The following SFSWAP variants were observed in gnomAD, a reference collection of about 807,000 sequenced individuals.
SFSWAP encodes splicing factor, suppressor of white-apricot homolog.
In SFSWAP, 17 loss-of-function variants were observed where a neutral mutation model predicts 100.7. The observed-to-expected ratio is 0.17, with a 90% confidence interval of 0.12 to 0.25. The LOEUF is 0.25. SFSWAP is among the 10% of genes least tolerant of loss of function. The probability of loss-of-function intolerance (pLI) is 1.00; values close to 1 mark genes in which losing one functional copy is unlikely to be tolerated. For synonymous variants in SFSWAP, 504 were observed against 510.1 expected (o/e 0.99, Z 0.16); for missense variants, 1,005 against 1,262.6 (o/e 0.80, Z 3.09).
At chr12:131,795,926 T>G (rs1421462758) in intron 15 of SFSWAP, among the ~76,000 whole-genome samples, 1 of 145,416 alleles carries the variant, frequency 6.9e-6, no homozygotes, top group Non-Finnish European at 1.5e-5. Flanking sequence ...GCAGCCCTAC[T>G]CCTGGGATCT....
intron 12 of SFSWAP, among the ~76,000 whole-genome samples, chr12:131,765,879 CATT>C (rs1267203526): frequency 6.6e-6 from 1 of 152,128 alleles, no homozygotes; most frequent in Non-Finnish European, 1.5e-5. Context: ...CTGAGGTTTT[CATT>C]ATTCCAGCTT....
intron 15 of SFSWAP, among the ~76,000 whole-genome samples, chr12:131,788,738 C>T (rs762730541): frequency 1.3e-5 from 2 of 152,064 alleles, no homozygotes; most frequent in Non-Finnish European, 2.9e-5. Context: ...GCCTCAACCT[C>T]CAAAAGTACT....
intron 7 of SFSWAP, among the ~76,000 whole-genome samples, chr12:131,751,413 G>T (rs115019895): frequency 0.013 from 2,047 of 152,336 alleles, 42 homozygotes; most frequent in African/African-American, 0.045. Flanking sequence ...TCCTGCTGAG[G>T]TGGGAGGCTG....
chr12:131,729,584 C>T (rs1879312466), intron 7 of SFSWAP, among the ~76,000 whole-genome samples: 1 of 152,200 alleles, frequency 6.6e-6, no homozygotes, highest in African/African-American at 2.4e-5. Flanking sequence ...TCGCTGATTG[C>T]AGTTCTTTTA....
At chr12:131,737,843 T>C (rs1222651772) in intron 7 of SFSWAP, among the ~76,000 whole-genome samples, 1 of 152,098 alleles carries the variant, frequency 6.6e-6, no homozygotes, top group Non-Finnish European at 1.5e-5. Flanking sequence ...AAATAATTTT[T>C]CTAGAAGCTC....
chr12:131,791,155 G>C (rs949146320), intron 15 of SFSWAP, among the ~76,000 whole-genome samples: 3 of 152,190 alleles, frequency 2.0e-5, no homozygotes, highest in Non-Finnish European at 4.4e-5. Flanking sequence ...CACTTCAGGA[G>C]GCCAAGGCAG....
chr12:131,793,396 C>A (rs1307818387), intron 15 of SFSWAP, among the ~76,000 whole-genome samples: 1 of 152,096 alleles, frequency 6.6e-6, no homozygotes, highest in Non-Finnish European at 1.5e-5. Flanking sequence ...GAAACTCTTT[C>A]CAACAAAACT....
intron 14 of SFSWAP, among the ~76,000 whole-genome samples, chr12:131,779,888 G>T (rs1341110429): frequency 6.6e-6 from 1 of 152,238 alleles, no homozygotes; most frequent in Non-Finnish European, 1.5e-5. Context: ...CCAGGTTCAA[G>T]TGATTCTTCT....
intron 7 of SFSWAP, among the ~76,000 whole-genome samples, chr12:131,748,899 G>A (rs944546337): frequency 4.6e-5 from 7 of 152,160 alleles, no homozygotes; most frequent in Admixed American, 2.0e-4. Flanking sequence ...GTAACATTAC[G>A]TCAGCATTTA....
chr12:131,764,270 C>A (rs921275616), intron 11 of SFSWAP, among the ~76,000 whole-genome samples, 186 bp from the exon 12 acceptor site: 9 of 152,214 alleles, frequency 5.9e-5, no homozygotes, highest in Non-Finnish European at 1.2e-4. Context: ...CCCAGCCCCA[C>A]GCCATGCAGT....
chr12:131,736,852 T>C (rs1473646181), intron 7 of SFSWAP, among the ~76,000 whole-genome samples: 1 of 152,020 alleles, frequency 6.6e-6, no homozygotes, highest in African/African-American at 2.4e-5. Flanking sequence ...ATTTTTCAGC[T>C]GTCACTCAAG....
At chr12:131,768,829 A>G (rs1465393601) in intron 13 of SFSWAP, among the ~76,000 whole-genome samples, 2 of 152,198 alleles carry the variant, frequency 1.3e-5, no homozygotes, top group African/African-American at 4.8e-5. Flanking sequence ...CCTTAGCTTT[A>G]ATAGGATTTC....
chr12:131,789,553 A>G (rs961056335), intron 15 of SFSWAP, among the ~76,000 whole-genome samples: 6 of 152,184 alleles, frequency 3.9e-5, no homozygotes, highest in African/African-American at 1.4e-4. Context: ...AAAGTGTACA[A>G]TAAACACCCA....
At chr12:131,763,815 ATT>A (rs1167177550) in intron 11 of SFSWAP, among the ~76,000 whole-genome samples, 10 of 144,090 alleles carry the variant, frequency 6.9e-5, no homozygotes, top group East Asian at 4.0e-4. Context: ...TGAGCCATGA[ATT>A]TTTTTTTTTT....
chr12:131,713,862 T>TAAG, intron 1 of SFSWAP: 1 of 369,660 alleles, frequency 2.7e-6, no homozygotes, highest in South Asian at 9.6e-5. Flanking sequence ...TAGAGTTTGT[T>TAAG]AAGATAACTT....
Position 131,754,371 on chromosome 12 carries a change from A to C in SFSWAP, c.1326A>C (p.Ala442=). The change falls in exon 9 of 18, where the codon GCA becomes GCC. Residue 442 remains alanine, a synonymous_variant. Transcript: ENST00000261674. ...GATSTTTTTS[A]LAPVAAIIPP... ...CTCACAGACTCTTCTCCTGCAGTGC[A>C]CTTGCCCCCGTGGCCGCCATCATCC... 6.4e-7 allele frequency: 1 copy of C among 1,564,394 alleles called. No individual in the cohort carries two copies.
At chr12:131,785,111 G>C (rs1467825772) in intron 14 of SFSWAP, 2 of 1,535,718 alleles carry the variant, frequency 1.3e-6, no homozygotes, top group South Asian at 2.4e-5. Flanking sequence ...GCGGAGCCCT[G>C]TCAGAGCAGC....
chr12:131,748,747 C>G (rs900138975), intron 7 of SFSWAP, among the ~76,000 whole-genome samples: 2 of 152,242 alleles, frequency 1.3e-5, no homozygotes, highest in South Asian at 2.1e-4. Context: ...GAAGGACTTA[C>G]AAATGTGCTT....
chr12:131,759,446 T>C (rs917252138), intron 11 of SFSWAP, among the ~76,000 whole-genome samples: 2 of 152,198 alleles, frequency 1.3e-5, no homozygotes, highest in Non-Finnish European at 2.9e-5. Context: ...CTTGGCAATC[T>C]GTAGACCACG....
Sources: gnomAD v4.1 joint callset for allele counts (sites outside exome capture counted in the v4.1 genomes callset) on GRCh38, gnomAD v4.1.1 for gene constraint, MANE v1.5 for transcripts, NCBI Gene and HGNC (gene_info 2026-07-23, HGNC 2026-07-21) for gene names.